The following ASXL3 variants were observed in gnomAD, a reference collection of about 807,000 sequenced individuals.
ASXL3 encodes the protein putative Polycomb group protein ASXL3.
ASXL3 carries 34 observed loss-of-function variants against 170.6 expected under a neutral mutation model. The observed-to-expected ratio is 0.20, with a 90% CI of 0.15 to 0.27. ASXL3 has a LOEUF of 0.27. Among genes scored for constraint, ASXL3 ranks in the 10% least tolerant of loss-of-function variants. The probability of loss-of-function intolerance (pLI) is 1.00; values close to 1 mark genes in which losing one functional copy is unlikely to be tolerated. For missense variants in ASXL3, 2,592 were observed against 2,695.3 expected, an observed-to-expected ratio of 0.96 and a Z score of 0.85; for synonymous variants, 1,002 against 989.1, an observed-to-expected ratio of 1.01 and a Z score of -0.24.
At chr18:33,692,515 C>T (rs1282965734) in intron 8 of ASXL3, among the ~76,000 whole-genome samples, 1 of 152,168 alleles carries the variant, frequency 6.6e-6, no homozygotes, top group Non-Finnish European at 1.5e-5. Context: ...GCTCAAAGTC[C>T]TCCTCACAAA....
chr18:33,660,379 A>G (rs2066152742), intron 4 of ASXL3, among the ~76,000 whole-genome samples: 1 of 152,148 alleles, frequency 6.6e-6, no homozygotes, highest in Non-Finnish European at 1.5e-5. Context: ...CGGGCCGCAT[A>G]GTTATTTCTA....
intron 1 of ASXL3, among the ~76,000 whole-genome samples, chr18:33,595,113 A>G (rs2065113973): frequency 6.6e-6 from 1 of 152,166 alleles, no homozygotes; most frequent in African/African-American, 2.4e-5. Flanking sequence ...TGTTAGTCCT[A>G]TTTTTGAAGC....
intron 4 of ASXL3, among the ~76,000 whole-genome samples, chr18:33,653,102 A>G (rs2066028479): frequency 1.3e-5 from 2 of 152,036 alleles, no homozygotes; most frequent in Non-Finnish European, 2.9e-5. Flanking sequence ...ACCCAGTGTC[A>G]GTTGGTATTC....
chr18:33,591,265 T>G (rs982635158), intron 1 of ASXL3, among the ~76,000 whole-genome samples: 1 of 152,214 alleles, frequency 6.6e-6, no homozygotes, highest in African/African-American at 2.4e-5. Context: ...TAACACATTT[T>G]ACTTAGCTTT....
chr18:33,723,546 T>C (rs1171099847), intron 8 of ASXL3, among the ~76,000 whole-genome samples: 3 of 152,110 alleles, frequency 2.0e-5, no homozygotes, highest in Non-Finnish European at 4.4e-5. Flanking sequence ...AAGTGAGGGG[T>C]TGCTTCTTAT....
At chr18:33,646,677 G>A (rs2065919431) in intron 4 of ASXL3, among the ~76,000 whole-genome samples, 1 of 151,866 alleles carries the variant, frequency 6.6e-6, no homozygotes, top group Non-Finnish European at 1.5e-5. Context: ...TGGGAGGACT[G>A]AGAATGCTAA....
At chr18:33,700,244 G>A (rs933395737) in intron 8 of ASXL3, among the ~76,000 whole-genome samples, 2 of 152,042 alleles carry the variant, frequency 1.3e-5, no homozygotes, top group African/African-American at 4.8e-5. Flanking sequence ...GATAAAAATA[G>A]GAATCGGTGG....
chr18:33,692,373 C>A (rs2066700463), intron 8 of ASXL3, among the ~76,000 whole-genome samples: 1 of 152,084 alleles, frequency 6.6e-6, no homozygotes, highest in Non-Finnish European at 1.5e-5. Context: ...GGGAGTTAGC[C>A]ATACCCTCCT....
chr18:33,655,361 T>C (rs1296184856), intron 4 of ASXL3, among the ~76,000 whole-genome samples: 3 of 152,036 alleles, frequency 2.0e-5, no homozygotes, highest in Admixed American at 2.0e-4. Context: ...ATAGAAGATA[T>C]TGTTCTAAAC....
chr18:33,580,140 C>T (rs2064979844), intron 1 of ASXL3, among the ~76,000 whole-genome samples: 1 of 152,154 alleles, frequency 6.6e-6, no homozygotes, highest in African/African-American at 2.4e-5. Flanking sequence ...TGTTATTTCT[C>T]CACTTATCTG....
chr18:33,706,441 C>CT (rs1238247825), intron 8 of ASXL3, among the ~76,000 whole-genome samples: 1 of 151,720 alleles, frequency 6.6e-6, no homozygotes, highest in Non-Finnish European at 1.5e-5. Context: ...ATCTTAAATA[C>CT]TTTCTCAAAA....
rs2067801232 is a variant in ASXL3, at chr18:33,746,705, T to C, written c.*110T>C. The C allele has an allele frequency of 6.8e-6, 10 of 1,462,580 alleles. No homozygotes were observed. The East Asian group carries it at 2.3e-4, about 34-fold the overall frequency. The allele number at this position is 1,462,580 out of a possible 1,614,324, so 90.6% of individuals were successfully genotyped here. On this transcript the variant is annotated 3_prime_UTR_variant, in exon 12 of 12. Transcript: ENST00000269197. ...TTCTATCATGCTAATTTATTTTGCT[T>C]TGGAGCAGGTACCTTTCCTCTATGG...
At chr18:33,644,105 A>G (rs1364443886) in intron 2 of ASXL3, among the ~76,000 whole-genome samples, 1 of 151,984 alleles carries the variant, frequency 6.6e-6, no homozygotes, top group Admixed American at 6.6e-5. Flanking sequence ...ATTCAAGTAT[A>G]TGAACTCATT....
At chr18:33,596,619 G>A (rs1309455729) in intron 1 of ASXL3, among the ~76,000 whole-genome samples, 2 of 152,080 alleles carry the variant, frequency 1.3e-5, no homozygotes, top group Non-Finnish European at 2.9e-5. Context: ...TAGTTTGTGG[G>A]AATAACATTG....
intron 8 of ASXL3, among the ~76,000 whole-genome samples, chr18:33,694,397 A>G (rs1029472687): frequency 3.3e-5 from 5 of 152,142 alleles, no homozygotes; most frequent in Non-Finnish European, 5.9e-5. Flanking sequence ...ATAAATGTCA[A>G]CTAAAGTGGA....
Position 33,703,411 on chromosome 18 carries a change from C to T in ASXL3, c.879+19843C>T, listed in dbSNP as rs574201002. 6.6e-5 allele frequency among the ~76,000 whole-genome samples: 10 copies of T among 152,218 alleles called. No individual in the cohort carries two copies. The East Asian group carries it at 1.4e-3, about 21-fold the overall frequency. On this transcript the variant is annotated intron_variant, in intron 8 of 11. Transcript: ENST00000269197. ...ACCTCTTCTGGAATGAAACATCCAC[C>T]CTATGAATGAGCTGGGGCAAAGGCC...
intron 1 of ASXL3, among the ~76,000 whole-genome samples, chr18:33,593,258 CTTTT>C (rs34699815): frequency 2.3e-5 from 2 of 87,932 alleles, no homozygotes; most frequent in African/African-American, 9.0e-5. Context: ...CTATGCCCAC[CTTTT>C]TTTTTTTTTT....
At chr18:33,619,557 T>A (rs1391625676) in intron 2 of ASXL3, among the ~76,000 whole-genome samples, 1 of 152,066 alleles carries the variant, frequency 6.6e-6, no homozygotes, top group Non-Finnish European at 1.5e-5. Context: ...AGATTTGGGC[T>A]TATGGACAGC....
intron 8 of ASXL3, among the ~76,000 whole-genome samples, chr18:33,706,391 G>C (rs959924774): frequency 6.6e-6 from 1 of 151,698 alleles, no homozygotes; most frequent in Non-Finnish European, 1.5e-5. Context: ...TTGGGTCATA[G>C]AGTATGCATA....
Sources: allele counts gnomAD v4.1 joint callset (sites outside exome capture counted in the v4.1 genomes callset), GRCh38; gene constraint gnomAD v4.1.1; transcripts MANE v1.5; gene names NCBI Gene and HGNC (gene_info 2026-07-23, HGNC 2026-07-21).